The following ERBB4 variants were observed in gnomAD, a reference collection of about 807,000 sequenced individuals.
ERBB4 encodes the protein erb-b2 receptor tyrosine kinase 4.
In ERBB4, 42 loss-of-function variants were observed where a neutral mutation model predicts 158.0. That is an observed-to-expected ratio of 0.27 (90% CI 0.21 to 0.34). The LOEUF is 0.34. Ranked by LOEUF, ERBB4 falls within the 10% of genes least tolerant of loss-of-function variation. The pLI is 1.00. For missense variants in ERBB4, 1,333 were observed against 1,624.1 expected (o/e 0.82, Z 3.08); for synonymous variants, 583 against 558.7 (o/e 1.04, Z -0.61).
chr2:212,386,788 A>C (rs1298888092), intron 1 of ERBB4, among the ~76,000 whole-genome samples: 1 of 151,988 alleles, frequency 6.6e-6, no homozygotes, highest in African/African-American at 2.4e-5. Context: ...CTTTATTCAA[A>C]TGTGTTTCCT....
chr2:211,711,910 C>T lies in ERBB4; in HGVS notation c.1124+140G>A. ...TACTGTCATTGCTGGTGAAATCAGG[C>T]CCCTGCTTTTGTTGGTGAGGAGCAT... On this transcript the variant is annotated intron_variant, in intron 9 of 27. Coordinates refer to ENST00000342788, the MANE Select transcript of ERBB4 (RefSeq NM_005235.3). 4.2e-6 allele frequency: 3 copies of T among 708,490 alleles called. No homozygotes were observed. The South Asian group carries it at 5.3e-5, about 12-fold the overall frequency. The allele number at this position is 708,490 out of a possible 1,614,324, so 43.9% of individuals were successfully genotyped here. A position where few individuals can be genotyped will look rare whatever the true frequency, so the allele number is the denominator to read the frequency against.
chr2:211,876,932 C>T (rs1011952605), intron 3 of ERBB4, among the ~76,000 whole-genome samples: 1 of 152,022 alleles, frequency 6.6e-6, no homozygotes, highest in African/African-American at 2.4e-5. Flanking sequence ...TTTCTTCTTT[C>T]TGGTTTCATT....
chr2:212,214,117 A>C (rs1014927820), intron 1 of ERBB4, among the ~76,000 whole-genome samples: 1 of 151,852 alleles, frequency 6.6e-6, no homozygotes, highest in East Asian at 1.9e-4. Context: ...AAAGATAATA[A>C]GGCAATAAAA....
intron 20 of ERBB4, among the ~76,000 whole-genome samples, chr2:211,477,868 T>C (rs751237068): frequency 6.6e-6 from 1 of 152,168 alleles, no homozygotes; most frequent in East Asian, 1.9e-4. Flanking sequence ...AAGAATATGA[T>C]ACAATGACAA....
intron 25 of ERBB4, among the ~76,000 whole-genome samples, chr2:211,415,595 A>C (rs2125391693): frequency 6.6e-6 from 1 of 152,264 alleles, no homozygotes; most frequent in Admixed American, 6.5e-5. Context: ...ATTTATAAAA[A>C]TCTCATGGTT....
chr2:211,821,675 G>A (rs1249922175), intron 3 of ERBB4, among the ~76,000 whole-genome samples: 9 of 151,872 alleles, frequency 5.9e-5, no homozygotes, highest in Admixed American at 5.3e-4. Flanking sequence ...ATCAATGCAA[G>A]AGAATAGAGA....
intron 2 of ERBB4, among the ~76,000 whole-genome samples, chr2:212,011,690 T>C (rs1041824445): frequency 2.7e-5 from 4 of 150,022 alleles, no homozygotes; most frequent in Non-Finnish European, 5.9e-5. Flanking sequence ...GCAGAGGCTG[T>C]GGTGAGCTGA....
intron 13 of ERBB4, among the ~76,000 whole-genome samples, chr2:211,674,921 C>T (rs973353934): frequency 6.6e-6 from 1 of 152,084 alleles, no homozygotes; most frequent in Non-Finnish European, 1.5e-5. Flanking sequence ...ACCCACTTCC[C>T]CACACGCAGA....
intron 1 of ERBB4, among the ~76,000 whole-genome samples, chr2:212,350,841 T>C (rs921710039): frequency 1.3e-5 from 2 of 152,098 alleles, no homozygotes; most frequent in African/African-American, 4.8e-5. Flanking sequence ...AGACTTGCAA[T>C]AAGGCTGACT....
intron 3 of ERBB4, among the ~76,000 whole-genome samples, chr2:211,891,250 T>A (rs2078959942): frequency 8.5e-6 from 1 of 117,380 alleles, no homozygotes; most frequent in African/African-American, 3.8e-5. Context: ...GGATTAAGAA[T>A]CTCACTCAAA....
chr2:211,535,564 A>G (rs1029866777), intron 20 of ERBB4: 3 of 147,878 alleles, frequency 2.0e-5, no homozygotes, highest in East Asian at 3.9e-4. Context: ...ACATAATGAG[A>G]AAAAAAAAGA....
intron 1 of ERBB4, among the ~76,000 whole-genome samples, chr2:212,176,702 C>CA (rs1262247009): frequency 6.6e-6 from 1 of 151,872 alleles, no homozygotes; most frequent in Non-Finnish European, 1.5e-5. Flanking sequence ...CGTAAAGCTC[C>CA]AAGTCTGGAA....
chr2:212,129,993 G>A (rs985112975), intron 1 of ERBB4, among the ~76,000 whole-genome samples: 13 of 151,964 alleles, frequency 8.6e-5, no homozygotes, highest in African/African-American at 2.9e-4. Flanking sequence ...AGTTGTTTTT[G>A]TGGAGCCTCC....
intron 2 of ERBB4, among the ~76,000 whole-genome samples, chr2:212,064,761 C>T (rs1308830079): frequency 2.6e-5 from 4 of 151,406 alleles, no homozygotes; most frequent in East Asian, 1.9e-4. Flanking sequence ...GAGTACAAAG[C>T]GATTTGGTAG....
chr2:212,447,616 T>G (rs927027049), intron 1 of ERBB4, among the ~76,000 whole-genome samples: 1 of 152,152 alleles, frequency 6.6e-6, no homozygotes, highest in African/African-American at 2.4e-5. Context: ...AAATAAGTAA[T>G]CAACATAATA....
intron 4 of ERBB4, among the ~76,000 whole-genome samples, chr2:211,753,893 T>C (rs1162890325): frequency 1.4e-5 from 2 of 145,418 alleles, no homozygotes; most frequent in Non-Finnish European, 3.0e-5. Flanking sequence ...AGTCTCGCTC[T>C]GTCGCCCAGG....
chr2:212,146,771 C>T (rs1303356650), intron 1 of ERBB4, among the ~76,000 whole-genome samples: 2 of 152,108 alleles, frequency 1.3e-5, no homozygotes, highest in East Asian at 3.9e-4. Flanking sequence ...AGTCTGTGCA[C>T]ATCTTTAGAT....
At chr2:211,724,691 T>C (rs2074211462) in intron 6 of ERBB4, among the ~76,000 whole-genome samples, 2 of 152,186 alleles carry the variant, frequency 1.3e-5, no homozygotes, top group Non-Finnish European at 2.9e-5. Flanking sequence ...GTATATCTTC[T>C]ATAATCTTGA....
rs74499552 is a variant in ERBB4, at chr2:211,713,655, A to C, written c.884-7T>G. The C allele has an allele frequency of 5.6e-6, 1 of 177,160 alleles. No individual in the cohort carries two copies. The highest frequency in any genetic ancestry group is 8.7e-6 in the Non-Finnish European group (1 of 114,296). 11.0% of individuals were successfully genotyped at this position (177,160 alleles called of 1,614,324 possible). ...GAATCTACCACAAAGTTATCTGATT[A>C]AAAAAAAAAAAAAGGTAAAATAAGC... is the stretch of plus-strand genomic sequence containing the variant. On this transcript the variant is annotated splice_region_variant and splice_polypyrimidine_tract_variant and intron_variant, in intron 7 of 27. Coordinates refer to ENST00000342788, the MANE Select transcript of ERBB4 (RefSeq NM_005235.3).
Sources: allele counts gnomAD v4.1 joint callset (sites outside exome capture counted in the v4.1 genomes callset), GRCh38; gene constraint gnomAD v4.1.1; transcripts MANE v1.5; gene names NCBI Gene and HGNC (gene_info 2026-07-23, HGNC 2026-07-21).